Variants in LEMD1 observed in about 807,000 individuals in gnomAD.
The protein encoded by LEMD1 is LEM domain containing 1.
Under a neutral mutation model 17.4 loss-of-function variants are expected in LEMD1, and 18 were observed. The ratio of observed to expected loss-of-function variants is 1.04; its 90% CI spans 0.72 to 1.54. LEMD1 has a LOEUF of 1.54. Ranked by LOEUF, LEMD1 falls within the 40% of genes most tolerant of loss-of-function variation. The probability of loss-of-function intolerance (pLI) is 0.00; values close to 1 mark genes in which losing one functional copy is unlikely to be tolerated. For synonymous variants in LEMD1, 88 were observed against 77.8 expected (o/e 1.13, Z -0.69); for missense variants, 195 against 210.4 (o/e 0.93, Z 0.45).
intron 4 of LEMD1, among the ~76,000 whole-genome samples, chr1:205,393,856 C>CA (rs1159859243): frequency 0.042 from 2,639 of 63,174 alleles, 37 homozygotes; most frequent in Middle Eastern, 0.081. Context: ...GGTACCTAGC[C>CA]AAAAAAAAAA....
intron 1 of LEMD1, chr1:205,434,815 T>C (rs1270098203): frequency 2.0e-5 from 3 of 152,212 alleles, no homozygotes; most frequent in Non-Finnish European, 4.4e-5. Context: ...GCTGCTGCAG[T>C]GTATCACAGT....
At chr1:205,391,115 G>A (rs1024958827) in intron 4 of LEMD1, among the ~76,000 whole-genome samples, 1 of 151,954 alleles carries the variant, frequency 6.6e-6, no homozygotes, top group Non-Finnish European at 1.5e-5. Context: ...TGTATATATG[G>A]AAACTTGATA....
At chr1:205,413,727 ATTGCAACCTCT>A (rs1378422335) in intron 4 of LEMD1, among the ~76,000 whole-genome samples, 1 of 145,022 alleles carries the variant, frequency 6.9e-6, no homozygotes, top group Non-Finnish European at 1.5e-5. Context: ...ATCTCGGCTC[ATTGCAACCTCT>A]GCCTCCCGAG....
intron 3 of LEMD1, among the ~76,000 whole-genome samples, 193 bp from the exon 4 acceptor site, chr1:205,416,489 G>A (rs935732348): frequency 1.3e-5 from 2 of 152,126 alleles, no homozygotes; most frequent in Non-Finnish European, 2.9e-5. Context: ...ACAGACTTAG[G>A]CCTTCCTCTG....
At chr1:205,415,895 A>G (rs899344319) in intron 4 of LEMD1, among the ~76,000 whole-genome samples, 2 of 152,146 alleles carry the variant, frequency 1.3e-5, no homozygotes, top group Non-Finnish European at 2.9e-5. Context: ...CATTTATTCT[A>G]TGTTCACTGT....
At chr1:205,414,916 C>G (rs1445425848) in intron 4 of LEMD1, among the ~76,000 whole-genome samples, 4 of 152,104 alleles carry the variant, frequency 2.6e-5, no homozygotes, top group African/African-American at 9.7e-5. Context: ...AATGTGGGTG[C>G]AAGCTAGGAT....
chr1:205,399,247 G>A (rs1664728044), intron 4 of LEMD1, among the ~76,000 whole-genome samples: 1 of 151,756 alleles, frequency 6.6e-6, no homozygotes, highest in Non-Finnish European at 1.5e-5. Context: ...AAGTGAAAAT[G>A]TACACACAGT....
chr1:205,415,353 G>A (rs546437648), intron 4 of LEMD1, among the ~76,000 whole-genome samples: 251 of 152,258 alleles, frequency 1.6e-3, no homozygotes, highest in African/African-American at 5.8e-3. Flanking sequence ...AAGCGTGTGT[G>A]GGGACGCCGC....
chr1:205,427,130 C>T (rs954745592), intron 1 of LEMD1, among the ~76,000 whole-genome samples: 5 of 152,096 alleles, frequency 3.3e-5, no homozygotes, highest in Admixed American at 2.0e-4. Context: ...CACTTACTAG[C>T]TGGGCCCTGG....
At chr1:205,400,957 T>G (rs2102384255) in intron 4 of LEMD1, among the ~76,000 whole-genome samples, 1 of 151,476 alleles carries the variant, frequency 6.6e-6, no homozygotes, top group Admixed American at 6.6e-5. Flanking sequence ...TTTGGTTTTT[T>G]GTCCTTGCGA....
In LEMD1 at chr1:205,384,365, C is replaced by T. The variant is rs745624087; in HGVS notation, c.271-1G>A. The T allele has an allele frequency of 1.3e-6, 2 of 1,497,676 alleles. No homozygotes were observed. Among genetic ancestry groups the T allele is most frequent in the Admixed American group, 4.8e-5 (2 of 41,334 alleles). 92.8% of individuals were successfully genotyped at this position (1,497,676 alleles called of 1,614,324 possible). On this transcript the variant is annotated splice_acceptor_variant, in intron 4 of 5. Transcript: ENST00000367153. LOFTEE classifies it high-confidence loss of function. ...GTTTAGTGGTGGAAGCCTCAGGCCA[C>T]TGATAAACAGAAAGAAAATGTCAAG...
At chr1:205,407,640 G>A (rs1038829342) in intron 4 of LEMD1, among the ~76,000 whole-genome samples, 1 of 152,104 alleles carries the variant, frequency 6.6e-6, no homozygotes, top group African/African-American at 2.4e-5. Context: ...AAAATACACT[G>A]GTAAGGAAAG....
At chr1:205,418,572 G>C (rs1665805776) in intron 3 of LEMD1, among the ~76,000 whole-genome samples, 1 of 152,168 alleles carries the variant, frequency 6.6e-6, no homozygotes, top group African/African-American at 2.4e-5. Context: ...CTGGAGTACA[G>C]TGGTGCCATC....
chr1:205,437,871 T>A (rs1440326500), intron 1 of LEMD1: 1 of 152,180 alleles, frequency 6.6e-6, no homozygotes, highest in African/African-American at 2.4e-5. Flanking sequence ...TCAGTGCTCC[T>A]TGCATCCCAC....
intron 4 of LEMD1, among the ~76,000 whole-genome samples, chr1:205,408,579 C>T (rs1374911140): frequency 6.6e-6 from 1 of 150,612 alleles, no homozygotes; most frequent in African/African-American, 2.4e-5. Flanking sequence ...CGGCTCACTG[C>T]AGCCTCGACC....
chr1:205,444,580 A>G (rs571302460), intron 1 of LEMD1, among the ~76,000 whole-genome samples: 1 of 152,252 alleles, frequency 6.6e-6, no homozygotes, highest in East Asian at 1.9e-4. Context: ...CAGAGACAGC[A>G]TGAACATGTG....
At chr1:205,439,813 T>C (rs4951000) in intron 1 of LEMD1, among the ~76,000 whole-genome samples, 133,672 of 152,124 alleles carry the variant, frequency 0.88, 59,707 homozygotes, top group East Asian at 0.99. Flanking sequence ...ACTCCAGGAT[T>C]AAAGACAAAA....
At chr1:205,443,956 C>T (rs138506740) in intron 1 of LEMD1, among the ~76,000 whole-genome samples, 2,207 of 152,258 alleles carry the variant, frequency 0.014, 27 homozygotes, top group Middle Eastern at 0.024. Flanking sequence ...GGAGTCCTGT[C>T]GACTCTCTTC....
chr1:205,401,255 C>T (rs1664838464), intron 4 of LEMD1, among the ~76,000 whole-genome samples: 2 of 152,142 alleles, frequency 1.3e-5, no homozygotes, highest in Admixed American at 1.3e-4. Flanking sequence ...AGTCCTAGAT[C>T]CCCGAGGAAT....
Sources: allele counts gnomAD v4.1 joint callset (sites outside exome capture counted in the v4.1 genomes callset), GRCh38; gene constraint gnomAD v4.1.1; transcripts MANE v1.5; gene names NCBI Gene and HGNC (gene_info 2026-07-23, HGNC 2026-07-21).